The following CFAP58 variants were observed in gnomAD, a reference collection of about 807,000 sequenced individuals.
The protein encoded by CFAP58 is cilia- and flagella-associated protein 58.
CFAP58 carries 88 observed loss-of-function variants against 119.5 expected under a neutral mutation model. That is an observed-to-expected ratio of 0.74 (90% CI 0.62 to 0.88). CFAP58 has a LOEUF of 0.88. Ranked by LOEUF, CFAP58 falls within the 40% of genes least tolerant of loss-of-function variation. The probability of loss-of-function intolerance (pLI) is 0.00; values close to 1 mark genes in which losing one functional copy is unlikely to be tolerated. For missense variants in CFAP58, 990 were observed against 1,021.2 expected, an observed-to-expected ratio of 0.97 and a Z score of 0.42; for synonymous variants, 365 against 366.3, an observed-to-expected ratio of 1.00 and a Z score of 0.04.
At chr10:104,418,451 G>GGCAGGAGAATGGAGTGAAC (rs1458006809) in intron 15 of CFAP58, among the ~76,000 whole-genome samples, 1 of 152,212 alleles carries the variant, frequency 6.6e-6, no homozygotes, top group East Asian at 1.9e-4. Context: ...AGGAGGCTGA[G>GGCAGGAGAATGGAGTGAAC]GCAGGAGAAT....
chr10:104,373,736 A>G (rs185419620), intron 7 of CFAP58, among the ~76,000 whole-genome samples: 24 of 152,294 alleles, frequency 1.6e-4, no homozygotes, highest in Non-Finnish European at 2.8e-4. Context: ...AATAGAAATG[A>G]AATAGAATAG....
At chr10:104,341,373 G>A in the CFAP58 span, among the ~76,000 whole-genome samples, 2 of 151,746 alleles carry the variant, frequency 1.3e-5, no homozygotes, top group South Asian at 4.1e-4. Context: ...AGGAAAATTA[G>A]CCCCTTAAGT....
At chr10:104,349,811 G>T (rs1320462441), upstream of CFAP58, among the ~76,000 whole-genome samples, 1 of 152,216 alleles carries the variant, frequency 6.6e-6, no homozygotes, top group Non-Finnish European at 1.5e-5. Flanking sequence ...GTAATGTGAA[G>T]AAGTGAGATC....
At chr10:104,382,796 T>C (rs2011841060) in intron 9 of CFAP58, among the ~76,000 whole-genome samples, 1 of 152,228 alleles carries the variant, frequency 6.6e-6, no homozygotes, top group South Asian at 2.1e-4. Flanking sequence ...ACCATGATTG[T>C]AAGTTTCCTG....
Position 104,380,071 on chromosome 10 carries a change from T to G in CFAP58, c.1216T>G (p.Leu406Val), listed in dbSNP as rs921953937. Residue 406 changes from leucine (L) to valine (V), a missense_variant, in exon 9 of 18, where the codon TTG (leucine) becomes GTG (valine). Coordinates refer to ENST00000369704, the MANE Select transcript of CFAP58 (RefSeq NM_001008723.2). ...AVNATQKQTD[L>V]VKLHEQAKRN... The stretch of plus-strand genomic sequence containing the variant: ...CAATGCGACCCAGAAGCAGACAGAC[T>G]TGGTAAAGCTCCATGAACAAGCCAA... 1.2e-6 allele frequency: 2 copies of G among 1,614,104 alleles called. No individual in the cohort carries two copies. Among genetic ancestry groups the G allele is most frequent in the Admixed American group, 3.3e-5 (2 of 60,014 alleles).
chr10:104,428,169 G>A (rs2133075659), intron 15 of CFAP58, among the ~76,000 whole-genome samples: 1 of 152,294 alleles, frequency 6.6e-6, no homozygotes, highest in Admixed American at 6.5e-5. Context: ...ACAGGCCAAG[G>A]GAGGAGTGAA....
At chr10:104,359,668 A>G (rs2014640716) in intron 2 of CFAP58, among the ~76,000 whole-genome samples, 1 of 152,144 alleles carries the variant, frequency 6.6e-6, no homozygotes, top group Admixed American at 6.6e-5. Flanking sequence ...GTGGTGGCAT[A>G]TGCCTGTAAT....
intron 6 of CFAP58, among the ~76,000 whole-genome samples, chr10:104,369,355 T>A (rs1409705521): frequency 1.3e-5 from 2 of 152,240 alleles, no homozygotes; most frequent in African/African-American, 4.8e-5. Context: ...TTGTGTTGCA[T>A]GCATCCCAGA....
At chr10:104,451,478 C>A (rs1315047837) in intron 17 of CFAP58, among the ~76,000 whole-genome samples, 2 of 152,180 alleles carry the variant, frequency 1.3e-5, no homozygotes, top group Admixed American at 1.3e-4. Flanking sequence ...GGTTCCCAGG[C>A]CATATTTCCA....
chr10:104,353,944 C>T, intron 1 of CFAP58, 38 bp downstream of exon 1: 3 of 1,610,950 alleles, frequency 1.9e-6, no homozygotes, highest in South Asian at 2.2e-5. Context: ...TTTCCCTTGA[C>T]CCCTCCCCAT....
In CFAP58 at chr10:104,454,419, C is replaced by T. The variant is rs370476690; in HGVS notation, c.2511-3C>T. On this transcript the variant is annotated splice_region_variant and splice_polypyrimidine_tract_variant and intron_variant, in intron 17 of 17. Transcript: ENST00000369704. The stretch of plus-strand genomic sequence containing the variant: ...AAGCTAACTTTCACCTCCTCTCTTA[C>T]AGAAACAAGGACACAGCACCCATGG... 3 of 1,610,512 alleles carry T rather than the reference C, an allele frequency of 1.9e-6. No homozygotes were observed. The highest frequency in any genetic ancestry group is 2.2e-5 in the East Asian group (1 of 44,856).
At chr10:104,437,068 A>G (rs1444774876) in intron 15 of CFAP58, among the ~76,000 whole-genome samples, 4 of 152,202 alleles carry the variant, frequency 2.6e-5, no homozygotes, top group African/African-American at 9.7e-5. Context: ...ATAAGTTCAA[A>G]TCTTGGCTCT....
chr10:104,437,562 A>G (rs2012955033), intron 15 of CFAP58, among the ~76,000 whole-genome samples: 1 of 152,244 alleles, frequency 6.6e-6, no homozygotes, highest in African/African-American at 2.4e-5. Flanking sequence ...AAGATGTTAG[A>G]TACCATGAAG....
chr10:104,400,644 CT>C (rs781502940), intron 12 of CFAP58, 35 bp from the exon 13 acceptor site: 2 of 1,559,530 alleles, frequency 1.3e-6, no homozygotes, highest in East Asian at 2.2e-5. Context: ...AAGGCTCCTC[CT>C]TCCCTGGTGA....
chr10:104,341,480 A>G, the CFAP58 span, among the ~76,000 whole-genome samples: 1 of 151,686 alleles, frequency 6.6e-6, no homozygotes, highest in Non-Finnish European at 1.5e-5. Flanking sequence ...AAAAAAGAAC[A>G]GGTAAATTTG....
chr10:104,377,175 C>T (rs2133007617), intron 8 of CFAP58, among the ~76,000 whole-genome samples: 1 of 152,260 alleles, frequency 6.6e-6, no homozygotes, highest in East Asian at 1.9e-4. Flanking sequence ...GTTTTCATTG[C>T]TGGTGTGCTA....
chr10:104,339,949 T>A, the CFAP58 span, among the ~76,000 whole-genome samples: 8 of 152,224 alleles, frequency 5.3e-5, no homozygotes, highest in African/African-American at 1.9e-4. Flanking sequence ...TTTGTCATCC[T>A]TGGGCTAAGA....
chr10:104,413,082 A>G (rs957108033), intron 15 of CFAP58, among the ~76,000 whole-genome samples: 2 of 152,214 alleles, frequency 1.3e-5, no homozygotes, highest in African/African-American at 4.8e-5. Flanking sequence ...TGTCTTGTTG[A>G]TCATCACATC....
At chr10:104,357,919 A>C (rs1223349210) in intron 1 of CFAP58, among the ~76,000 whole-genome samples, 2 of 117,502 alleles carry the variant, frequency 1.7e-5, no homozygotes, top group Non-Finnish European at 1.7e-5. Flanking sequence ...ACACACATAT[A>C]TGTACACATA....
Sources: allele counts gnomAD v4.1 joint callset (sites outside exome capture counted in the v4.1 genomes callset), GRCh38; gene constraint gnomAD v4.1.1; transcripts MANE v1.5; gene names NCBI Gene and HGNC (gene_info 2026-07-23, HGNC 2026-07-21).